The following CDK11A variants were observed in gnomAD, a reference collection of about 807,000 sequenced individuals.
CDK11A encodes cyclin dependent kinase 11A.
CDK11A carries 55 observed loss-of-function variants against 83.6 expected under a neutral mutation model. That is an observed-to-expected ratio of 0.66 (90% CI 0.53 to 0.82). The LOEUF is 0.82. Among genes scored for constraint, CDK11A ranks in the 40% least tolerant of loss-of-function variants. The probability of loss-of-function intolerance (pLI) is 0.00; values close to 1 mark genes in which losing one functional copy is unlikely to be tolerated. For synonymous variants in CDK11A, 247 were observed against 302.7 expected, an observed-to-expected ratio of 0.82 and a Z score of 1.91; for missense variants, 564 against 810.1, an observed-to-expected ratio of 0.70 and a Z score of 3.69.
At chr1:1,708,362 T>C (rs74378830) in intron 9 of CDK11A, 117 bp from the exon 10 acceptor site, 743,978 of 1,330,182 alleles carry the variant, frequency 0.56, 213,361 homozygotes, top group African/African-American at 0.82. Flanking sequence ...ATATGGAGGC[T>C]GGGCGCGGTG....
chr1:1,712,057 G>C (rs1240537309), intron 6 of CDK11A, among the ~76,000 whole-genome samples: 1 of 120,304 alleles, frequency 8.3e-6, no homozygotes, highest in African/African-American at 2.8e-5. Flanking sequence ...TTGAACCCGG[G>C]GGGCAGAGGG....
chr1:1,716,270 ATTC>A lies in CDK11A; in HGVS notation c.488+73_488+75del, dbSNP rs1294145662. 9.2e-6 allele frequency: 14 copies of A among 1,520,000 alleles called. 1 individual carries two copies. The highest frequency in any genetic ancestry group is 1.3e-5 in the Non-Finnish European group (14 of 1,108,764). 94.2% of individuals were successfully genotyped at this position (1,520,000 alleles called of 1,614,324 possible). ...CAACAAATGTGACTTCTATTGCCAA[ATTC>A]TTCTTCATTGCTGTGACAGGACACA... On this transcript the variant is annotated intron_variant, in intron 5 of 19. Coordinates refer to ENST00000404249, the MANE Select transcript of CDK11A (RefSeq NM_024011.4).
At chr1:1,720,920 T>C (rs1644881498) in intron 3 of CDK11A, among the ~76,000 whole-genome samples, 2 of 151,094 alleles carry the variant, frequency 1.3e-5, no homozygotes, top group African/African-American at 2.4e-5. Flanking sequence ...TAAACCTCAA[T>C]AGTTGTAACA....
At chr1:1,704,396 A>AC in intron 14 of CDK11A, 52 bp from the exon 15 acceptor site, 1 of 1,600,026 alleles carries the variant, frequency 6.2e-7, no homozygotes, top group Non-Finnish European at 8.5e-7. Context: ...AGCCCAGGGC[A>AC]CTCAGGGTGG....
intron 5 of CDK11A, among the ~76,000 whole-genome samples, chr1:1,715,391 G>A (rs569949876): frequency 6.9e-6 from 1 of 144,594 alleles, no homozygotes; most frequent in Non-Finnish European, 1.5e-5. Flanking sequence ...AAATCAATAT[G>A]ACAGCCCAAA....
chr1:1,703,684 T>C, intron 17 of CDK11A, 60 bp from the exon 18 acceptor site: 1 of 1,545,418 alleles, frequency 6.5e-7, no homozygotes, highest in Non-Finnish European at 8.7e-7. Context: ...GGCACCTGTG[T>C]CCCGTCAGAG....
rs1349202567 is a variant in CDK11A, at chr1:1,716,608, G to A, written c.356-130C>T. 12 of 835,714 alleles carry A rather than the reference G, an allele frequency of 1.4e-5. 1 individual carries two copies. The Admixed American group carries it at 2.6e-4, about 18-fold the overall frequency. 51.8% of individuals were successfully genotyped at this position (835,714 alleles called of 1,614,324 possible). On this transcript the variant is annotated intron_variant, in intron 4 of 19. Coordinates refer to ENST00000404249, the MANE Select transcript of CDK11A (RefSeq NM_024011.4). ...GCGGGTGGATCACCTGAGGTCAGGA[G>A]TTCAAAACCAGCCTGGCCAACATGG...
At chr1:1,704,423 G>C in intron 14 of CDK11A, 79 bp from the exon 15 acceptor site, 2 of 1,570,204 alleles carry the variant, frequency 1.3e-6, no homozygotes, top group Middle Eastern at 3.6e-4. Context: ...CGCCTCGGCA[G>C]CAACAGAGGC....
Position 1,702,485 on chromosome 1 carries a change from G to T in CDK11A, c.*422C>A, listed in dbSNP as rs1174506999. ...TGGGGCTGGGGGTTGGGGGCCGGGGGCCTGTGTGGACAGGGCTGGTCTGGA... is the reference window on the plus strand; with the variant it reads ...TGGGGCTGGGGGTTGGGGGCCGGGGTCCTGTGTGGACAGGGCTGGTCTGGA... On this transcript the variant is annotated 3_prime_UTR_variant, in exon 20 of 20. Coordinates refer to ENST00000404249, the MANE Select transcript of CDK11A (RefSeq NM_024011.4). 1.7e-5 allele frequency among the ~76,000 whole-genome samples: 2 copies of T among 121,076 alleles called. No individual in the cohort carries two copies. The highest frequency in any genetic ancestry group is 3.7e-5 in the Non-Finnish European group (2 of 53,738). The allele number at this position is 121,076 out of a possible 152,430, so 79.4% of individuals were successfully genotyped here. A position where few individuals can be genotyped will look rare whatever the true frequency, so the allele number is the denominator to read the frequency against.
In CDK11A at chr1:1,704,065, C is replaced by T. The variant is rs558730635; in HGVS notation, c.1768G>A (p.Ala590Thr). The change falls in exon 16 of 20, where the codon GCC becomes ACC. Residue 590 changes from alanine (A) to threonine (T), a missense_variant. Ala to Thr is a moderately conservative substitution (Grantham distance 58). Around this residue, in one of 5 missense-constraint regions of CDK11A, gnomAD observed 361 missense variants for 402.7 expected, o/e 0.90. Transcript: ENST00000404249. ...TPVVVTQWYR[A>T]PELLLGAKEY... Reference sequence around the variant, plus strand: ...TTGGCACCAAGCAGCAGCTCTGGGGCGCGGTACCACTGGGTCACCACGACC... The same window carrying T: ...TTGGCACCAAGCAGCAGCTCTGGGGTGCGGTACCACTGGGTCACCACGACC... The T allele has an allele frequency of 1.4e-5, 23 of 1,595,268 alleles. 1 individual carries two copies. The highest frequency in any genetic ancestry group is 4.5e-5 in the East Asian group (2 of 44,598).
rs1421051079 is a variant in CDK11A at position 1,707,436 on chromosome 1, C to T, written c.1218G>A (p.Glu406=). The change falls in exon 11 of 20, where the codon GAG becomes GAA. Residue 406 remains glutamate, a synonymous_variant. Coordinates refer to ENST00000404249, the MANE Select transcript of CDK11A (RefSeq NM_024011.4). ...GCAGGGCCGGCAGGTACTTGGGCAG[C>T]TCCTGCTTGAGCTCGATGGGCAACA... ...PALLPIELKQ[E]LPKYLPALQG... The T allele has an allele frequency of 1.9e-6, 3 of 1,607,968 alleles. 1 individual carries two copies. Among genetic ancestry groups the T allele is most frequent in the Admixed American group, 3.3e-5 (2 of 59,734 alleles).
intron 4 of CDK11A, among the ~76,000 whole-genome samples, chr1:1,717,407 A>AT (rs1644707998): frequency 6.6e-6 from 1 of 151,262 alleles, no homozygotes; most frequent in African/African-American, 2.4e-5. Context: ...TGATGTTGGT[A>AT]CGAGATCAAA....
rs115516660 is a variant in CDK11A at position 1,716,281 on chromosome 1, T to C, written c.488+65A>G. On this transcript the variant is annotated intron_variant, in intron 5 of 19. Coordinates refer to ENST00000404249, the MANE Select transcript of CDK11A (RefSeq NM_024011.4). Reference sequence around the variant, plus strand: ...ACTTCTATTGCCAAATTCTTCTTCATTGCTGTGACAGGACACACTACCACG... The same window carrying C: ...ACTTCTATTGCCAAATTCTTCTTCACTGCTGTGACAGGACACACTACCACG... 1,612 of 1,549,500 alleles carry C rather than the reference T, an allele frequency of 1.0e-3. 64 individuals are homozygous for C. In the African/African-American group the frequency reaches 0.016, roughly 15 times the overall value.
At position 1,704,629 on chromosome 1, in the gene CDK11A, G is replaced by A; in HGVS notation, c.1485C>T (p.Asp495=). 2 of 1,599,212 alleles carry A rather than the reference G, an allele frequency of 1.3e-6. No homozygotes were observed. Among genetic ancestry groups the A allele is most frequent in the South Asian group, 1.1e-5 (1 of 89,180 alleles). ...VREIVVGSNM[D]KIYIVMNYVE... The stretch of plus-strand genomic sequence containing the variant: ...CGTAGTTCATCACGATGTAGATCTT[G>A]TCCATGTTGCTGCCCACCACAATCT... Residue 495 remains aspartate (D), a synonymous_variant, in exon 14 of 20, where the codon GAC becomes GAT. Coordinates refer to ENST00000404249, the MANE Select transcript of CDK11A (RefSeq NM_024011.4).
rs779466075 is a variant in CDK11A, at chr1:1,704,092, G to A, written c.1741C>T (p.Pro581Ser). ...EYGSPLKAYT[P>S]VVVTQWYRAP... ...CGGTACCACTGGGTCACCACGACCG[G>A]GGTGTAGGCCTTCAGAGGGGATCCG... The change falls in exon 16 of 20, where the codon CCG (proline) becomes TCG (serine). Residue 581 changes from proline to serine, a missense_variant. By Grantham distance (74) the Pro-to-Ser change is moderately conservative. Coordinates refer to ENST00000404249, the MANE Select transcript of CDK11A (RefSeq NM_024011.4). 5.6e-6 allele frequency: 9 copies of A among 1,600,020 alleles called. 1 individual carries two copies. The highest frequency in any genetic ancestry group is 6.0e-6 in the Non-Finnish European group (7 of 1,171,346).
At chr1:1,719,751 G>A (rs1644833148) in intron 3 of CDK11A, among the ~76,000 whole-genome samples, 1 of 149,756 alleles carries the variant, frequency 6.7e-6, no homozygotes, top group Admixed American at 6.7e-5. Flanking sequence ...GGAGTAGCTG[G>A]GACTACAGGC....
chr1:1,717,622 GCTCTCT>G (rs2101291945), intron 4 of CDK11A, among the ~76,000 whole-genome samples: 4 of 36,376 alleles, frequency 1.1e-4, no homozygotes, highest in Non-Finnish European at 4.7e-4. Context: ...GCTAGAGTTT[GCTCTCT>G]CTGGTTTTCG....
chr1:1,720,376 T>C (rs4648768), intron 3 of CDK11A, among the ~76,000 whole-genome samples: 120,323 of 147,140 alleles, frequency 0.82, 50,916 homozygotes, highest in Non-Finnish European at 0.93. Context: ...GGATTACAGG[T>C]GTGAGCCGCC....
chr1:1,716,398 A>G lies in CDK11A; in HGVS notation c.436T>C (p.Trp146Arg). ...REEQDKARRE[W>R]ERQKRREMAR... ...ATTTCCCTTCTCTTCTGTCTTTCCC[A>G]TTCCCGGCGAGCTTTATCCTGTTCT... Residue 146 changes from tryptophan to arginine, a missense_variant, in exon 5 of 20, where the codon TGG becomes CGG. Around this residue, in one of 5 missense-constraint regions of CDK11A, gnomAD observed 151 missense variants for 147.4 expected, o/e 1.02. Coordinates refer to ENST00000404249, the MANE Select transcript of CDK11A (RefSeq NM_024011.4). 4.4e-6 allele frequency: 7 copies of G among 1,606,286 alleles called. 1 individual carries two copies. The highest frequency in any genetic ancestry group is 6.0e-6 in the Non-Finnish European group (7 of 1,175,420).
Sources: gnomAD v4.1 joint callset for allele counts (sites outside exome capture counted in the v4.1 genomes callset) on GRCh38, gnomAD v4.1.1 for gene constraint, gnomAD v4.1.1 regional missense constraint, MANE v1.5 for transcripts, NCBI Gene and HGNC (gene_info 2026-07-23, HGNC 2026-07-21) for gene names.